Variants in SAXO2 observed in about 807,000 individuals in gnomAD.
The protein encoded by SAXO2 is stabilizer of axonemal microtubules 2, also known as family with sequence similarity 154, member B.
In SAXO2, 17 loss-of-function variants were observed where a neutral mutation model predicts 18.7. The observed-to-expected ratio is 0.91, with a 90% CI of 0.62 to 1.36. The LOEUF is 1.36. Among genes scored for constraint, SAXO2 ranks in the 40% most tolerant of loss-of-function variants. SAXO2 has a pLI of 0.00. For missense variants in SAXO2, 486 were observed against 562.6 expected, an observed-to-expected ratio of 0.86 and a Z score of 1.38; for synonymous variants, 163 against 181.2, an observed-to-expected ratio of 0.90 and a Z score of 0.81.
At chr15:82,266,991 C>T (rs1283147803) in intron 2 of SAXO2, among the ~76,000 whole-genome samples, 1 of 152,160 alleles carries the variant, frequency 6.6e-6, no homozygotes, top group Non-Finnish European at 1.5e-5. Context: ...TACATTTACT[C>T]ATTATTTTAT....
At chr15:82,278,477 T>C (rs2075334801) in intron 3 of SAXO2, among the ~76,000 whole-genome samples, 1 of 152,256 alleles carries the variant, frequency 6.6e-6, no homozygotes, top group Admixed American at 6.5e-5. Context: ...ACTTCAACAC[T>C]GTCTCTAAGT....
chr15:82,276,945 G>A (rs1487404978), intron 3 of SAXO2, among the ~76,000 whole-genome samples: 7 of 152,060 alleles, frequency 4.6e-5, no homozygotes, highest in Non-Finnish European at 8.8e-5. Context: ...TATTGACAAA[G>A]TCAAAATTAC....
chr15:82,269,661 C>G (rs192388289), intron 2 of SAXO2, among the ~76,000 whole-genome samples: 1 of 152,180 alleles, frequency 6.6e-6, no homozygotes, highest in East Asian at 1.9e-4. Context: ...ATGACTTGAT[C>G]AGATTTACAT....
chr15:82,262,976 G>T (rs1274605530), intron 1 of SAXO2, 44 bp downstream of exon 1: 12 of 1,573,462 alleles, frequency 7.6e-6, no homozygotes, highest in South Asian at 3.5e-5. Context: ...CTTGGGAGCC[G>T]ACCTAGGGCC....
chr15:82,264,067 GATTT>G (rs2075177749), intron 1 of SAXO2, among the ~76,000 whole-genome samples: 4 of 134,132 alleles, frequency 3.0e-5, no homozygotes, highest in Admixed American at 2.2e-4. Context: ...CATATGCATT[GATTT>G]TTTTTTTTTT....
Position 82,271,642 on chromosome 15 carries a change from C to T in SAXO2, c.273C>T (p.Arg91=). Residue 91 remains arginine (R), a synonymous_variant, in exon 3 of 4, where the codon CGC becomes CGT. Coordinates refer to ENST00000682753, the MANE Select transcript of SAXO2 (RefSeq NM_001348699.2). ...CTTATGAAATAGTTAAACAGCCTCG[C>T]CATGTGCCAGAAGAATATAAACCAA... ...YCPYEIVKQP[R]HVPEEYKPKQ... The T allele has an allele frequency of 1.2e-6, 2 of 1,613,758 alleles. No homozygotes were observed. The highest frequency in any genetic ancestry group is 1.7e-6 in the Non-Finnish European group (2 of 1,179,792).
In SAXO2 at chr15:82,282,795, T is replaced by G. The variant is rs769966145; in HGVS notation, c.1110T>G (p.Ser370=). The G allele has an allele frequency of 1.1e-5, 17 of 1,614,086 alleles. No individual in the cohort carries two copies. Among genetic ancestry groups the G allele is most frequent in the Non-Finnish European group, 1.4e-5 (17 of 1,179,988 alleles). The change falls in exon 4 of 4, where the codon TCT becomes TCG. Residue 370 remains serine, a synonymous_variant. Coordinates refer to ENST00000682753, the MANE Select transcript of SAXO2 (RefSeq NM_001348699.2). ...IKKQQQIPNP[S]GKFDGLSTFR... ...AGCAGCAGCAGATTCCCAACCCATCTGGAAAATTTGATGGTTTGAGCACTT... is the reference window on the plus strand; with the variant it reads ...AGCAGCAGCAGATTCCCAACCCATCGGGAAAATTTGATGGTTTGAGCACTT...
At chr15:82,275,989 C>G (rs1596035488) in intron 3 of SAXO2, among the ~76,000 whole-genome samples, 1 of 152,150 alleles carries the variant, frequency 6.6e-6, no homozygotes, top group Non-Finnish European at 1.5e-5. Flanking sequence ...GTAATTTATA[C>G]ATGGGAAACC....
rs2141358429 is a variant in SAXO2 at position 82,264,950 on chromosome 15, T to C, written c.54-619T>C. ...GTGAATACACATAGTAGGTGAAACC[T>C]AAATTGTATGTGGAACCTTTCTGCA... is the stretch of plus-strand genomic sequence containing the variant. On this transcript the variant is annotated intron_variant, in intron 1 of 3. Transcript: ENST00000682753. The C allele has an allele frequency of 9.0e-6, 5 of 557,746 alleles. No homozygotes were observed. In the East Asian group the frequency reaches 1.4e-4, roughly 16 times the overall value. The allele number at this position is 557,746 out of a possible 1,614,324, so 34.5% of individuals were successfully genotyped here.
At chr15:82,263,071 C>G in intron 1 of SAXO2, 139 bp downstream of exon 1, 1 of 1,514,170 alleles carries the variant, frequency 6.6e-7, no homozygotes, top group South Asian at 1.3e-5. Flanking sequence ...GACATCCCCA[C>G]TTATCCCGCT....
At position 82,271,807 on chromosome 15, in the gene SAXO2, C is replaced by T. The variant is rs749095545; in HGVS notation, c.433+5C>T. 5 of 1,608,352 alleles carry T rather than the reference C, an allele frequency of 3.1e-6. No individual in the cohort carries two copies. In the Admixed American group the frequency reaches 8.6e-5, roughly 28 times the overall value. On this transcript the variant is annotated splice_donor_5th_base_variant and intron_variant, in intron 3 of 3. Coordinates refer to ENST00000682753, the MANE Select transcript of SAXO2 (RefSeq NM_001348699.2). Reference sequence around the variant, plus strand: ...ACACTGTCCCAACCTATAAAGGTAACTTGCTGTTTCATACATGAAGGAGCC... The same window carrying T: ...ACACTGTCCCAACCTATAAAGGTAATTTGCTGTTTCATACATGAAGGAGCC...
chr15:82,283,831 T>A lies in SAXO2; in HGVS notation c.*769T>A, dbSNP rs894350028. 6 of 151,998 alleles carry A rather than the reference T, an allele frequency of 3.9e-5. No homozygotes were observed. Among genetic ancestry groups the A allele is most frequent in the African/African-American group, 1.5e-4 (6 of 41,364 alleles). 9.4% of individuals were successfully genotyped at this position (151,998 alleles called of 1,614,324 possible). A position where few individuals can be genotyped will look rare whatever the true frequency, so the allele number is the denominator to read the frequency against. ...AAGGGTGTGCCACCACACCTGGCTATTTTTTTTAAACATACTTTGTAGAGA... is the reference window on the plus strand; with the variant it reads ...AAGGGTGTGCCACCACACCTGGCTAATTTTTTTAAACATACTTTGTAGAGA... On this transcript the variant is annotated 3_prime_UTR_variant, in exon 4 of 4. Transcript: ENST00000682753.
In SAXO2 at chr15:82,276,929, A is replaced by G. The variant is rs2075320374; in HGVS notation, c.433+5127A>G. Among the ~76,000 whole-genome samples, 3 of 152,218 alleles carry G rather than the reference A, an allele frequency of 2.0e-5. No individual in the cohort carries two copies. The South Asian group carries it at 6.2e-4, about 31-fold the overall frequency. The stretch of plus-strand genomic sequence containing the variant: ...AAGGGTACATATGTGGGTAAATATG[A>G]AAGAATATTGACAAAGTCAAAATTA... On this transcript the variant is annotated intron_variant, in intron 3 of 3. Coordinates refer to ENST00000682753, the MANE Select transcript of SAXO2 (RefSeq NM_001348699.2).
At chr15:82,265,516 G>A (rs2075208180) in intron 1 of SAXO2, 53 bp from the exon 2 acceptor site, 2 of 1,261,744 alleles carry the variant, frequency 1.6e-6, no homozygotes, top group Admixed American at 3.9e-5. Flanking sequence ...TTAAAACGCA[G>A]TTATAACACA....
chr15:82,274,535 C>A (rs567725503), intron 3 of SAXO2, among the ~76,000 whole-genome samples: 1 of 151,686 alleles, frequency 6.6e-6, no homozygotes, highest in African/African-American at 2.4e-5. Flanking sequence ...AACCCCATCT[C>A]TACTAAAAAT....
intron 1 of SAXO2, among the ~76,000 whole-genome samples, chr15:82,263,711 A>G (rs1336535303): frequency 6.6e-6 from 1 of 152,216 alleles, no homozygotes; most frequent in African/African-American, 2.4e-5. Context: ...ATATCAACAA[A>G]TTAACTTTGG....
rs754514304 is a variant in SAXO2, at chr15:82,262,891, G to C, written c.12G>C (p.Lys4Asn). Residue 4 changes from lysine (K) to asparagine (N), a missense_variant, in exon 1 of 4, where the codon AAG becomes AAC. Transcript: ENST00000682753. The stretch of plus-strand genomic sequence containing the variant: ...CGGTGGAGGAAAGCATGGGAGCCAA[G>C]AGTATGAGGAGCTGGTGTCTGTGTC... The part of the protein sequence containing the change: MGA[K>N]SMRSWCLCQI... The C allele has an allele frequency of 2.5e-6, 4 of 1,601,192 alleles. No homozygotes were observed. The highest frequency in any genetic ancestry group is 1.1e-5 in the South Asian group (1 of 88,682).
chr15:82,277,509 G>A (rs1174856874), intron 3 of SAXO2, among the ~76,000 whole-genome samples: 2 of 152,180 alleles, frequency 1.3e-5, no homozygotes, highest in Admixed American at 6.5e-5. Flanking sequence ...AATTGAAGGT[G>A]TAATTTTAAA....
chr15:82,272,787 C>T (rs1312842620), intron 3 of SAXO2, among the ~76,000 whole-genome samples: 3 of 151,958 alleles, frequency 2.0e-5, no homozygotes, highest in Non-Finnish European at 4.4e-5. Context: ...AAGTGATCCA[C>T]ACACCTCAGC....
Sources: allele counts gnomAD v4.1 joint callset (sites outside exome capture counted in the v4.1 genomes callset), GRCh38; gene constraint gnomAD v4.1.1; transcripts MANE v1.5; gene names NCBI Gene and HGNC (gene_info 2026-07-23, HGNC 2026-07-21).